PRELID2: variants seen among roughly 807,000 people sequenced by gnomAD.
The protein encoded by PRELID2 is PRELI domain containing 2, also known as PRELI domain-containing protein 2.
In PRELID2, 25 loss-of-function variants were observed where a neutral mutation model predicts 28.4. That is an observed-to-expected ratio of 0.88 (90% CI 0.64 to 1.23). PRELID2 has a LOEUF of 1.23. Ranked by LOEUF, PRELID2 falls within the 50% of genes most tolerant of loss-of-function variation. The pLI, the probability that PRELID2 is intolerant of heterozygous loss-of-function variation, is 0.00. For synonymous variants in PRELID2, 76 were observed against 71.6 expected, an observed-to-expected ratio of 1.06 and a Z score of -0.31; for missense variants, 201 against 214.4, an observed-to-expected ratio of 0.94 and a Z score of 0.39.
chr5:145,313,291 GC>G, the PRELID2 span, among the ~76,000 whole-genome samples: 57 of 152,140 alleles, frequency 3.7e-4, no homozygotes, highest in African/African-American at 1.4e-3. Context: ...AAAAAGTGAA[GC>G]TTTTTCTGCT....
chr5:145,799,821 A>C (rs1753007798), intron 4 of PRELID2, among the ~76,000 whole-genome samples: 1 of 152,058 alleles, frequency 6.6e-6, no homozygotes, highest in Non-Finnish European at 1.5e-5. Flanking sequence ...GACACCAAGT[A>C]CTCGGTATAG....
intron 1 of PRELID2, among the ~76,000 whole-genome samples, chr5:145,587,722 C>G (rs146880334): frequency 4.6e-5 from 7 of 152,264 alleles, no homozygotes; most frequent in Non-Finnish European, 8.8e-5. Flanking sequence ...ACAGCCCAAT[C>G]ATGTCCTCCT....
intron 1 of PRELID2, among the ~76,000 whole-genome samples, chr5:145,664,392 C>G (rs77392660): frequency 0.023 from 3,485 of 152,216 alleles, 155 homozygotes; most frequent in African/African-American, 0.081. Flanking sequence ...AGAAGGCCAT[C>G]AGAACCTTAG....
At chr5:145,318,711 G>C in the PRELID2 span, among the ~76,000 whole-genome samples, 25 of 152,176 alleles carry the variant, frequency 1.6e-4, no homozygotes, top group African/African-American at 5.8e-4. Flanking sequence ...TCTAGGGGTA[G>C]GTGCCTGTGA....
intron 1 of PRELID2, among the ~76,000 whole-genome samples, chr5:145,484,437 T>A (rs180889080): frequency 2.6e-5 from 4 of 152,348 alleles, no homozygotes; most frequent in Admixed American, 2.6e-4. Flanking sequence ...AAATTGGCTG[T>A]GTTTTGTTCC....
chr5:145,722,283 A>T (rs904437857), intron 1 of PRELID2, among the ~76,000 whole-genome samples: 3 of 152,174 alleles, frequency 2.0e-5, no homozygotes, highest in Non-Finnish European at 4.4e-5. Context: ...TTCAAAATTT[A>T]AAAACTCAAC....
the PRELID2 span, among the ~76,000 whole-genome samples, chr5:145,284,088 G>A: frequency 3.3e-5 from 5 of 152,180 alleles, no homozygotes; most frequent in African/African-American, 9.6e-5. Context: ...CTTTCCAAGC[G>A]TATTGCTCAT....
the PRELID2 span, among the ~76,000 whole-genome samples, chr5:145,338,675 G>A: frequency 6.6e-6 from 1 of 152,068 alleles, no homozygotes; most frequent in Non-Finnish European, 1.5e-5. Flanking sequence ...CACTTTTTGA[G>A]TCTTTACTCT....
intron 1 of PRELID2, among the ~76,000 whole-genome samples, chr5:145,656,161 TCA>T (rs1754389297): frequency 6.6e-6 from 1 of 152,206 alleles, no homozygotes; most frequent in African/African-American, 2.4e-5. Context: ...ATGCTCGTCA[TCA>T]CTGGCCGTCA....
chr5:145,397,920 T>G, the PRELID2 span, among the ~76,000 whole-genome samples: 1 of 152,152 alleles, frequency 6.6e-6, no homozygotes, highest in Non-Finnish European at 1.5e-5. Context: ...GGATACATCA[T>G]GCCTGATCCC....
chr5:145,416,080 T>C, the PRELID2 span, among the ~76,000 whole-genome samples: 2 of 152,126 alleles, frequency 1.3e-5, no homozygotes, highest in African/African-American at 4.8e-5. Flanking sequence ...AAATGTCTTC[T>C]TTTGAGAAGT....
chr5:145,694,082 G>T (rs570215713), intron 1 of PRELID2, among the ~76,000 whole-genome samples: 68 of 152,228 alleles, frequency 4.5e-4, no homozygotes, highest in Non-Finnish European at 4.4e-5. Context: ...TAAAATGAGG[G>T]CAAATACTAG....
At chr5:145,498,793 G>A (rs1346861888) in intron 1 of PRELID2, among the ~76,000 whole-genome samples, 1 of 151,656 alleles carries the variant, frequency 6.6e-6, no homozygotes, top group Non-Finnish European at 1.5e-5. Context: ...TGATCTGCTG[G>A]TCTCAAGCTC....
chr5:145,566,636 T>C (rs1561507559), intron 1 of PRELID2, among the ~76,000 whole-genome samples: 1 of 152,130 alleles, frequency 6.6e-6, no homozygotes. Flanking sequence ...TGTCATGAGT[T>C]CGAGACCAGC....
At chr5:145,584,684 G>A (rs1315528720) in intron 1 of PRELID2, among the ~76,000 whole-genome samples, 1 of 151,162 alleles carries the variant, frequency 6.6e-6, no homozygotes, top group Non-Finnish European at 1.5e-5. Flanking sequence ...ATGGAAAAAA[G>A]CTCAACATCA....
chr5:145,325,543 T>G, the PRELID2 span, among the ~76,000 whole-genome samples: 1 of 152,184 alleles, frequency 6.6e-6, no homozygotes, highest in East Asian at 1.9e-4. Flanking sequence ...CTATGCACTA[T>G]TTTACAAGGG....
the PRELID2 span, among the ~76,000 whole-genome samples, chr5:145,464,323 G>T: frequency 2.0e-5 from 3 of 152,074 alleles, no homozygotes; most frequent in African/African-American, 7.2e-5. Flanking sequence ...GGGAAAGGTG[G>T]AACAACTATA....
chr5:145,458,083 T>C, the PRELID2 span, among the ~76,000 whole-genome samples: 1 of 152,204 alleles, frequency 6.6e-6, no homozygotes, highest in Non-Finnish European at 1.5e-5. Context: ...CATCTATCAC[T>C]CTACTAACAC....
chr5:145,833,353 G>C (rs1755728542), intron 1 of PRELID2, among the ~76,000 whole-genome samples: 1 of 152,166 alleles, frequency 6.6e-6, no homozygotes, highest in African/African-American at 2.4e-5. Context: ...GACTCTTGAT[G>C]ATGACAATCC....
Sources: allele counts gnomAD v4.1 joint callset (sites outside exome capture counted in the v4.1 genomes callset), GRCh38; gene constraint gnomAD v4.1.1; transcripts MANE v1.5; gene names NCBI Gene and HGNC (gene_info 2026-07-23, HGNC 2026-07-21).